Variants in SCFD2 observed in about 807,000 individuals in gnomAD.
SCFD2 encodes the protein sec1 family domain containing 2, also known as sec1 family domain-containing protein 2.
In SCFD2, 54 loss-of-function variants were observed where a neutral mutation model predicts 58.9. That is an observed-to-expected ratio of 0.92 (90% CI 0.74 to 1.15). SCFD2 has a LOEUF of 1.15. SCFD2 is among the 50% of genes most tolerant of loss of function. SCFD2 has a pLI of 0.00. For missense variants in SCFD2, 805 were observed against 836.6 expected, an observed-to-expected ratio of 0.96 and a Z score of 0.47; for synonymous variants, 321 against 335.9, an observed-to-expected ratio of 0.96 and a Z score of 0.49.
intron 7 of SCFD2, among the ~76,000 whole-genome samples, chr4:52,902,300 A>C (rs1242224040): frequency 6.6e-6 from 1 of 152,188 alleles, no homozygotes; most frequent in African/African-American, 2.4e-5. Flanking sequence ...TCAACAAGTT[A>C]CTCACAGTGG....
intron 7 of SCFD2, among the ~76,000 whole-genome samples, chr4:52,890,512 A>G (rs976860849): frequency 2.0e-5 from 3 of 152,224 alleles, no homozygotes; most frequent in Non-Finnish European, 4.4e-5. Context: ...CCATCAGAAT[A>G]ACACATTCCT....
intron 4 of SCFD2, among the ~76,000 whole-genome samples, chr4:53,214,633 C>T (rs1728749077): frequency 6.6e-6 from 1 of 152,078 alleles, no homozygotes. Flanking sequence ...GTTTCTTTTG[C>T]TGCACAGAAG....
chr4:52,920,387 G>A lies in SCFD2; in HGVS notation c.1707+338C>T, dbSNP rs373153509. On this transcript the variant is annotated intron_variant, in intron 6 of 8. Coordinates refer to ENST00000401642, the MANE Select transcript of SCFD2 (RefSeq NM_152540.4). Reference sequence around the variant, plus strand: ...ATCCAGAAACTTGGGAATCCTCTAAGGCCAGCCCCTCATTTGGTACCTGTA... The same window carrying A: ...ATCCAGAAACTTGGGAATCCTCTAAAGCCAGCCCCTCATTTGGTACCTGTA... Among the ~76,000 whole-genome samples, 265 of 152,254 alleles carry A rather than the reference G, an allele frequency of 1.7e-3. 2 individuals are homozygous for A. Among genetic ancestry groups the A allele is most frequent in the South Asian group, 0.013 (62 of 4,824 alleles).
At chr4:53,036,307 T>G (rs1722758774) in intron 5 of SCFD2, among the ~76,000 whole-genome samples, 1 of 151,426 alleles carries the variant, frequency 6.6e-6, no homozygotes, top group African/African-American at 2.4e-5. Flanking sequence ...CAACATGTAG[T>G]GTTTGGTAGT....
rs182766019 is a variant in SCFD2, at chr4:53,293,643, T to A, written c.1136-19642A>T. On this transcript the variant is annotated intron_variant, in intron 3 of 8. Transcript: ENST00000401642. ...AGTTCCTCAACCTAACAAAGACCACTCATGAAAAATTCAGTGCTAACATCA... is the reference window on the plus strand; with the variant it reads ...AGTTCCTCAACCTAACAAAGACCACACATGAAAAATTCAGTGCTAACATCA... Among the ~76,000 whole-genome samples the A allele has an allele frequency of 1.1e-4, 17 of 152,276 alleles. No individual in the cohort carries two copies. In the East Asian group the frequency reaches 3.3e-3, roughly 29 times the overall value.
At chr4:53,201,415 A>T (rs1405902919) in intron 4 of SCFD2, among the ~76,000 whole-genome samples, 2 of 152,104 alleles carry the variant, frequency 1.3e-5, no homozygotes, top group Non-Finnish European at 2.9e-5. Context: ...TTCTTAATCC[A>T]GTCTATCATT....
chr4:53,085,588 G>T (rs573340452), intron 5 of SCFD2, among the ~76,000 whole-genome samples: 27 of 152,248 alleles, frequency 1.8e-4, no homozygotes, highest in African/African-American at 6.3e-4. Flanking sequence ...GCTATTCTGT[G>T]CAAAAATAAC....
intron 5 of SCFD2, among the ~76,000 whole-genome samples, chr4:52,960,734 C>T (rs952099185): frequency 6.6e-6 from 1 of 152,166 alleles, no homozygotes; most frequent in African/African-American, 2.4e-5. Context: ...ACACAACACA[C>T]ACACACACAC....
At chr4:52,891,682 GT>G (rs1718881810) in intron 7 of SCFD2, among the ~76,000 whole-genome samples, 1 of 152,186 alleles carries the variant, frequency 6.6e-6, no homozygotes, top group African/African-American at 2.4e-5. Flanking sequence ...TGTATTTTTA[GT>G]TCTTTAGAAA....
intron 5 of SCFD2, among the ~76,000 whole-genome samples, chr4:53,007,217 T>TAC (rs1721988010): frequency 6.7e-6 from 1 of 148,380 alleles, no homozygotes; most frequent in African/African-American, 2.5e-5. Context: ...AGTTTAAGGT[T>TAC]ACAGTGAGCC....
chr4:53,132,982 T>C (rs1336609005), intron 5 of SCFD2, among the ~76,000 whole-genome samples: 1 of 152,118 alleles, frequency 6.6e-6, no homozygotes, highest in African/African-American at 2.4e-5. Flanking sequence ...GCAGAGGTGA[T>C]AATAAGGGAA....
chr4:53,035,877 G>A (rs1479609773), intron 5 of SCFD2, among the ~76,000 whole-genome samples: 1 of 152,014 alleles, frequency 6.6e-6, no homozygotes, highest in African/African-American at 2.4e-5. Flanking sequence ...CACTGTTGCT[G>A]GGAGTGTAAA....
chr4:53,336,644 C>A (rs1405310860), intron 2 of SCFD2, among the ~76,000 whole-genome samples: 1 of 152,130 alleles, frequency 6.6e-6, no homozygotes, highest in Non-Finnish European at 1.5e-5. Context: ...CCCACCTTAA[C>A]CTTCTGAGTA....
At chr4:53,289,705 C>G (rs911556075) in intron 3 of SCFD2, among the ~76,000 whole-genome samples, 3 of 152,062 alleles carry the variant, frequency 2.0e-5, no homozygotes, top group Non-Finnish European at 2.9e-5. Flanking sequence ...ACAACAACAA[C>G]AAGATCAAAC....
At chr4:53,251,995 A>C (rs1459658776) in intron 4 of SCFD2, among the ~76,000 whole-genome samples, 1 of 152,216 alleles carries the variant, frequency 6.6e-6, no homozygotes, top group Non-Finnish European at 1.5e-5. Flanking sequence ...CCATCATCTC[A>C]GCCCAAAATC....
At chr4:52,906,728 A>T (rs894699651) in intron 7 of SCFD2, among the ~76,000 whole-genome samples, 2 of 152,214 alleles carry the variant, frequency 1.3e-5, no homozygotes, top group African/African-American at 4.8e-5. Context: ...TCTCTTAGGT[A>T]GATTAATTCA....
At chr4:53,029,310 C>A (rs1338055966) in intron 5 of SCFD2, among the ~76,000 whole-genome samples, 2 of 152,328 alleles carry the variant, frequency 1.3e-5, no homozygotes, top group East Asian at 1.9e-4. Context: ...CCCCGTCCAA[C>A]CCTGGTGAGT....
chr4:53,238,250 G>A (rs1729740695), intron 4 of SCFD2, among the ~76,000 whole-genome samples: 1 of 130,612 alleles, frequency 7.7e-6, no homozygotes. Flanking sequence ...CCCAGTAGGG[G>A]CGGCCAGGCA....
At chr4:52,910,162 T>G (rs1008599225) in intron 6 of SCFD2, among the ~76,000 whole-genome samples, 5 of 152,216 alleles carry the variant, frequency 3.3e-5, no homozygotes, top group Admixed American at 6.5e-5. Context: ...ACTATAGCCA[T>G]GTAATTAAGG....
Sources: gnomAD v4.1 joint callset for allele counts (sites outside exome capture counted in the v4.1 genomes callset) on GRCh38, gnomAD v4.1.1 for gene constraint, MANE v1.5 for transcripts, NCBI Gene and HGNC (gene_info 2026-07-23, HGNC 2026-07-21) for gene names.